PTPRQ: variants seen among roughly 807,000 people sequenced by gnomAD.
PTPRQ encodes the protein phosphatidylinositol phosphatase PTPRQ.
PTPRQ carries 199 observed loss-of-function variants against 246.0 expected under a neutral mutation model. The observed-to-expected ratio is 0.81, with a 90% CI of 0.72 to 0.91. PTPRQ has a LOEUF of 0.91. Ranked by LOEUF, PTPRQ falls within the 40% of genes least tolerant of loss-of-function variation. PTPRQ has a pLI of 0.00. For missense variants in PTPRQ, 2,624 were observed against 2,528.4 expected (o/e 1.04, Z -0.81); for synonymous variants, 869 against 853.2 (o/e 1.02, Z -0.32).
chr12:80,534,269 T>A, intron 18 of PTPRQ, 94 bp downstream of exon 18: 1 of 1,263,752 alleles, frequency 7.9e-7, no homozygotes, highest in Non-Finnish European at 1.0e-6. Flanking sequence ...AAATGTATGA[T>A]GAAGCCTAAT....
chr12:80,565,764 A>G (rs1233232665), intron 25 of PTPRQ, among the ~76,000 whole-genome samples: 1 of 152,222 alleles, frequency 6.6e-6, no homozygotes, highest in Admixed American at 6.5e-5. Context: ...AATCAATGCA[A>G]TGTAAATACA....
intron 19 of PTPRQ, among the ~76,000 whole-genome samples, chr12:80,536,412 T>C (rs1895989644): frequency 6.6e-6 from 1 of 152,224 alleles, no homozygotes; most frequent in Non-Finnish European, 1.5e-5. Flanking sequence ...ACTTGCAAGC[T>C]ATCTCAGGAC....
intron 36 of PTPRQ, among the ~76,000 whole-genome samples, 159 bp from the exon 37 acceptor site, chr12:80,649,429 T>C (rs1314488899): frequency 2.6e-5 from 4 of 152,152 alleles, no homozygotes; most frequent in Non-Finnish European, 4.4e-5. Context: ...GAAAAGTTAA[T>C]TTTATAAGTA....
Position 80,542,874 on chromosome 12 carries a change from A to G in PTPRQ, c.3866A>G (p.Tyr1289Cys). Residue 1289 changes from tyrosine (Y) to cysteine (C), a missense_variant, in exon 23 of 45, where the codon TAT becomes TGT. Physicochemically the swap from Tyr to Cys is radical, Grantham distance 194. Transcript: ENST00000644991. ...KIHEHETDTI[Y>C]YKNISGFKTE... is the part of the protein sequence containing the mutation. Reference sequence around the variant, plus strand: ...CATGAACATGAAACTGACACTATATATTATAAGGTAGGTTGATTATAACAG... The same window carrying G: ...CATGAACATGAAACTGACACTATATGTTATAAGGTAGGTTGATTATAACAG... 1 of 1,485,326 alleles carries G rather than the reference A, an allele frequency of 6.7e-7. No homozygotes were observed. The highest frequency in any genetic ancestry group is 9.0e-7 in the Non-Finnish European group (1 of 1,110,670). 92.0% of individuals were successfully genotyped at this position (1,485,326 alleles called of 1,614,324 possible).
Position 80,679,868 on chromosome 12 carries a change from C to T in PTPRQ, c.*845C>T, listed in dbSNP as rs992060092. On this transcript the variant is annotated 3_prime_UTR_variant, in exon 45 of 45. Transcript: ENST00000644991. ...AAGAGTTTCTTCAGCAAAAATGTAT[C>T]AAAAGAGTAATAAAAACACTGTGCG... 2 of 151,750 alleles carry T rather than the reference C, an allele frequency of 1.3e-5. No individual in the cohort carries two copies. Among genetic ancestry groups the T allele is most frequent in the Admixed American group, 6.6e-5 (1 of 15,194 alleles). The allele number at this position is 151,750 out of a possible 1,614,324, so 9.4% of individuals were successfully genotyped here.
intron 25 of PTPRQ, among the ~76,000 whole-genome samples, chr12:80,571,563 A>C (rs1274278932): frequency 6.6e-6 from 1 of 152,218 alleles, no homozygotes; most frequent in East Asian, 1.9e-4. Context: ...CTAAATTAGC[A>C]ACTTTTAATC....
At position 80,593,314 on chromosome 12, in the gene PTPRQ, G is replaced by C. The variant is rs142596963; in HGVS notation, c.4609+4862G>C. The stretch of plus-strand genomic sequence containing the variant: ...AGTTTTAATAATAAATATTATAAAA[G>C]TTTCTACAATGGATTATATAATCAG... On this transcript the variant is annotated intron_variant, in intron 26 of 44. Transcript: ENST00000644991. 5.3e-5 allele frequency among the ~76,000 whole-genome samples: 8 copies of C among 152,150 alleles called. 2 individuals are homozygous for C. Among genetic ancestry groups the C allele is most frequent in the African/African-American group, 1.9e-4 (8 of 41,528 alleles).
intron 10 of PTPRQ, among the ~76,000 whole-genome samples, chr12:80,494,123 A>T (rs994035294): frequency 2.6e-5 from 4 of 152,024 alleles, no homozygotes; most frequent in African/African-American, 9.7e-5. Flanking sequence ...TGGTAGAATT[A>T]GTAAAAAAAA....
chr12:80,676,488 C>A (rs1901147807), intron 43 of PTPRQ, among the ~76,000 whole-genome samples: 1 of 152,050 alleles, frequency 6.6e-6, no homozygotes, highest in South Asian at 2.1e-4. Context: ...ACTAAAAATA[C>A]AAAATCAGCC....
intron 26 of PTPRQ, among the ~76,000 whole-genome samples, chr12:80,597,018 G>C (rs1293289926): frequency 6.6e-6 from 1 of 151,926 alleles, no homozygotes; most frequent in Non-Finnish European, 1.5e-5. Flanking sequence ...ACTAGGACTT[G>C]AGCAAAGCCT....
At chr12:80,504,895 A>C (rs199528256) in intron 14 of PTPRQ, among the ~76,000 whole-genome samples, 2 of 151,870 alleles carry the variant, frequency 1.3e-5, no homozygotes, top group Admixed American at 6.6e-5. Flanking sequence ...TCCTCTCTGC[A>C]TGGTAGATTT....
At chr12:80,590,677 A>AC in intron 26 of PTPRQ, among the ~76,000 whole-genome samples, 1 of 151,356 alleles carries the variant, frequency 6.6e-6, no homozygotes, top group South Asian at 2.1e-4. Flanking sequence ...AAAAAAAAAA[A>AC]AAAAAAAAAA....
chr12:80,459,308 C>T lies in PTPRQ; in HGVS notation c.485C>T (p.Thr162Ile). Reference sequence around the variant, plus strand: ...GCTCCAGGAAAAGTGGTGAATCTCACAGTTGAGGCCTACAACGCTTCAGCA... The same window carrying T: ...GCTCCAGGAAAAGTGGTGAATCTCATAGTTGAGGCCTACAACGCTTCAGCA... The part of the protein sequence containing the change: ...ESAPGKVVNL[T>I]VEAYNASAVK... Residue 162 changes from threonine to isoleucine, a missense_variant, in exon 5 of 45, where the codon ACA (threonine) becomes ATA (isoleucine). Physicochemically the swap from Thr to Ile is moderately conservative, Grantham distance 89. Coordinates refer to ENST00000644991, the MANE Select transcript of PTPRQ (RefSeq NM_001145026.2). The T allele has an allele frequency of 2.5e-6, 1 of 398,438 alleles. No individual in the cohort carries two copies. The allele number at this position is 398,438 out of a possible 1,614,324, so 24.7% of individuals were successfully genotyped here. A position where few individuals can be genotyped will look rare whatever the true frequency, so the allele number is the denominator to read the frequency against.
At chr12:80,640,788 A>G (rs1899828155) in intron 35 of PTPRQ, among the ~76,000 whole-genome samples, 2 of 152,176 alleles carry the variant, frequency 1.3e-5, no homozygotes, top group Non-Finnish European at 2.9e-5. Flanking sequence ...GTCCTTTATA[A>G]TATTGCATGC....
chr12:80,632,024 C>T (rs992211041), intron 33 of PTPRQ, among the ~76,000 whole-genome samples, 168 bp from the exon 34 acceptor site: 1 of 151,874 alleles, frequency 6.6e-6, no homozygotes, highest in Non-Finnish European at 1.5e-5. Context: ...GGACTGAGCC[C>T]CAAAGTTAAA....
rs1328088856 is a variant in PTPRQ, at chr12:80,467,530, A to T, written c.911-1180A>T. Among the ~76,000 whole-genome samples, 4 of 152,046 alleles carry T rather than the reference A, an allele frequency of 2.6e-5. No individual in the cohort carries two copies. In the East Asian group the frequency reaches 7.7e-4, roughly 29 times the overall value. On this transcript the variant is annotated intron_variant, in intron 6 of 44. Transcript: ENST00000644991. ...GGGTATATACCCAAAGGACTATAAA[A>T]CATGCTGCTATAAAGACACATGCAC...
chr12:80,488,671 CTT>C (rs562601368), intron 9 of PTPRQ, among the ~76,000 whole-genome samples: 1 of 151,994 alleles, frequency 6.6e-6, no homozygotes, highest in East Asian at 1.9e-4. Context: ...CCTTCATCAT[CTT>C]TTTTTGTAGC....
At chr12:80,575,364 T>G (rs1897254004) in intron 25 of PTPRQ, among the ~76,000 whole-genome samples, 1 of 152,016 alleles carries the variant, frequency 6.6e-6, no homozygotes, top group Non-Finnish European at 1.5e-5. Flanking sequence ...GGTGGGAGGA[T>G]CTTTTGAGCC....
At chr12:80,669,245 A>G in intron 40 of PTPRQ, 94 bp from the exon 41 acceptor site, 2 of 1,528,830 alleles carry the variant, frequency 1.3e-6, no homozygotes, top group South Asian at 1.2e-5. Context: ...CTGGACATCT[A>G]TAAAGTAATT....
Sources: gnomAD v4.1 joint callset for allele counts (sites outside exome capture counted in the v4.1 genomes callset) on GRCh38, gnomAD v4.1.1 for gene constraint, MANE v1.5 for transcripts, NCBI Gene and HGNC (gene_info 2026-07-23, HGNC 2026-07-21) for gene names.